The following KATNAL2 variants were observed in gnomAD, a reference collection of about 807,000 sequenced individuals.
KATNAL2 encodes katanin p60 ATPase-containing subunit A-like 2.
Under a neutral mutation model 76.3 loss-of-function variants are expected in KATNAL2, and 52 were observed. The ratio of observed to expected loss-of-function variants is 0.68; its 90% CI spans 0.55 to 0.86. The LOEUF is 0.86. Among genes scored for constraint, KATNAL2 ranks in the 40% least tolerant of loss-of-function variants. KATNAL2 has a pLI of 0.00. For missense variants in KATNAL2, 660 were observed against 668.9 expected (o/e 0.99, Z 0.15); for synonymous variants, 243 against 244.2 (o/e 1.00, Z 0.05).
intron 15 of KATNAL2, among the ~76,000 whole-genome samples, chr18:47,081,274 T>C (rs1046409617): frequency 5.9e-5 from 9 of 152,226 alleles, no homozygotes; most frequent in Non-Finnish European, 2.9e-5. Flanking sequence ...CACTGTCTAA[T>C]AGAAATATAA....
intron 3 of KATNAL2, chr18:47,034,218 C>T (rs770121275): frequency 1.9e-6 from 3 of 1,613,884 alleles, no homozygotes; most frequent in East Asian, 2.2e-5. Context: ...TCGGTGGCTT[C>T]CCCTCTTGAG....
At chr18:46,948,490 T>C in intron 3 of KATNAL2, among the ~76,000 whole-genome samples, 1 of 148,788 alleles carries the variant, frequency 6.7e-6, no homozygotes, top group Non-Finnish European at 1.5e-5. Flanking sequence ...AATGGTGTGA[T>C]CTTGGCTCAC....
At chr18:46,954,705 G>A (rs775278119) in intron 3 of KATNAL2, among the ~76,000 whole-genome samples, 4 of 147,962 alleles carry the variant, frequency 2.7e-5, no homozygotes, top group African/African-American at 5.0e-5. Flanking sequence ...GTACAATGGC[G>A]CAATTTCAGC....
intron 3 of KATNAL2, among the ~76,000 whole-genome samples, chr18:46,951,013 A>C (rs996450228): frequency 1.3e-5 from 2 of 152,004 alleles, no homozygotes; most frequent in African/African-American, 2.4e-5. Flanking sequence ...TTGATTTTTC[A>C]TTCTCAGTTA....
At chr18:46,954,786 G>A (rs561000808) in intron 3 of KATNAL2, among the ~76,000 whole-genome samples, 6 of 152,170 alleles carry the variant, frequency 3.9e-5, no homozygotes, top group African/African-American at 1.4e-4. Context: ...TGGGACTACA[G>A]GCGTATGCCA....
At chr18:46,962,078 C>T (rs2059992518) in intron 3 of KATNAL2, among the ~76,000 whole-genome samples, 1 of 152,134 alleles carries the variant, frequency 6.6e-6, no homozygotes, top group South Asian at 2.1e-4. Flanking sequence ...AGGCTGCTGG[C>T]ACTATTTTCA....
chr18:47,085,771 C>A (rs2062743028), intron 15 of KATNAL2, among the ~76,000 whole-genome samples: 1 of 152,000 alleles, frequency 6.6e-6, no homozygotes, highest in Non-Finnish European at 1.5e-5. Context: ...TTATTCAACT[C>A]TTTTTTTATT....
intron 3 of KATNAL2, among the ~76,000 whole-genome samples, chr18:46,958,334 C>T (rs912126837): frequency 1.1e-4 from 17 of 151,674 alleles, no homozygotes; most frequent in South Asian, 2.1e-4. Context: ...ATCACATGAG[C>T]GTTATAATAA....
chr18:47,073,553 C>T (rs781545909), intron 13 of KATNAL2, among the ~76,000 whole-genome samples: 1 of 152,156 alleles, frequency 6.6e-6, no homozygotes, highest in Non-Finnish European at 1.5e-5. Flanking sequence ...CCCTTCAGGA[C>T]CTTCCCCTAA....
At chr18:46,925,023 T>C (rs2146507733) in intron 1 of KATNAL2, among the ~76,000 whole-genome samples, 1 of 152,346 alleles carries the variant, frequency 6.6e-6, no homozygotes, top group Middle Eastern at 3.4e-3. Flanking sequence ...TCATGTCATC[T>C]GCAAACAGGG....
intron 3 of KATNAL2, among the ~76,000 whole-genome samples, chr18:46,959,062 C>A (rs548001603): frequency 4.5e-4 from 69 of 152,216 alleles, no homozygotes; most frequent in African/African-American, 1.5e-3. Context: ...ATCGCATGGG[C>A]TCCTAAAAAA....
chr18:46,962,310 A>G (rs1196462977), intron 3 of KATNAL2, among the ~76,000 whole-genome samples: 6 of 123,842 alleles, frequency 4.8e-5, no homozygotes. Context: ...TTTTCCCTAA[A>G]AGAAAACACC....
intron 3 of KATNAL2, among the ~76,000 whole-genome samples, chr18:47,036,696 C>G (rs1206630061): frequency 1.3e-5 from 2 of 152,198 alleles, no homozygotes; most frequent in East Asian, 3.8e-4. Context: ...ATTATTAAAA[C>G]AGGATCATTT....
chr18:47,071,892 C>CAAAA (rs1207605458), intron 13 of KATNAL2, among the ~76,000 whole-genome samples: 2 of 70,666 alleles, frequency 2.8e-5, no homozygotes, highest in Non-Finnish European at 2.9e-5. Flanking sequence ...GGAGTGGGAG[C>CAAAA]AAAAAAAATT....
intron 3 of KATNAL2, among the ~76,000 whole-genome samples, chr18:47,031,013 C>T (rs1287638396): frequency 3.0e-3 from 11 of 3,624 alleles, no homozygotes; most frequent in African/African-American, 8.1e-3. Context: ...TCTAGCATCT[C>T]CCCCCCCCCC....
intron 4 of KATNAL2, among the ~76,000 whole-genome samples, chr18:47,049,171 TC>T (rs1235908495): frequency 6.6e-6 from 1 of 152,218 alleles, no homozygotes; most frequent in East Asian, 1.9e-4. Context: ...TAATCTGTGA[TC>T]TTGGACAAGT....
intron 4 of KATNAL2, 87 bp downstream of exon 4, chr18:47,046,614 C>A: frequency 1.0e-6 from 1 of 964,506 alleles, no homozygotes; most frequent in Non-Finnish European, 1.6e-6. Context: ...ATACAATAGA[C>A]TTTCTTGTTT....
chr18:47,066,893 A>ATACACACATATT (rs2061830313), intron 10 of KATNAL2, 128 bp from the exon 11 acceptor site: 1 of 149,496 alleles, frequency 6.7e-6, no homozygotes. Context: ...ATATATATAT[A>ATACACACATATT]ATATGAACAG....
intron 1 of KATNAL2, among the ~76,000 whole-genome samples, chr18:46,931,722 AAAG>A (rs1209397189): frequency 6.6e-6 from 1 of 151,748 alleles, no homozygotes; most frequent in Non-Finnish European, 1.5e-5. Context: ...AAGAGAGAAA[AAAG>A]AGAGAGAGAG....
Sources: allele counts gnomAD v4.1 joint callset (sites outside exome capture counted in the v4.1 genomes callset), GRCh38; gene constraint gnomAD v4.1.1; transcripts MANE v1.5; gene names NCBI Gene and HGNC (gene_info 2026-07-23, HGNC 2026-07-21).